The following PREX2 variants were observed in gnomAD, a reference collection of about 807,000 sequenced individuals.
PREX2 encodes the protein phosphatidylinositol 3,4,5-trisphosphate-dependent Rac exchanger 2 protein.
Under a neutral mutation model 203.2 loss-of-function variants are expected in PREX2, and 107 were observed. The ratio of observed to expected loss-of-function variants is 0.53; its 90% CI spans 0.45 to 0.62. The LOEUF (loss-of-function observed/expected upper bound fraction) is 0.62, where lower values mean the gene tolerates loss of function less well. PREX2 is among the 20% of genes least tolerant of loss of function. The probability of loss-of-function intolerance (pLI) is 0.00; values close to 1 mark genes in which losing one functional copy is unlikely to be tolerated. For missense variants in PREX2, 1,777 were observed against 1,955.9 expected (o/e 0.91, Z 1.72); for synonymous variants, 672 against 663.6 (o/e 1.01, Z -0.19).
intron 35 of PREX2, among the ~76,000 whole-genome samples, chr8:68,161,950 G>A (rs1811663696): frequency 6.6e-6 from 1 of 152,176 alleles, no homozygotes; most frequent in South Asian, 2.1e-4. Flanking sequence ...AGGCAAGAAG[G>A]AGCAAGTCAC....
At chr8:67,971,113 G>C (rs757999132) in intron 1 of PREX2, among the ~76,000 whole-genome samples, 13 of 152,120 alleles carry the variant, frequency 8.5e-5, no homozygotes, top group Non-Finnish European at 1.9e-4. Flanking sequence ...GCCAGATGGT[G>C]AATAACAGTA....
intron 35 of PREX2, among the ~76,000 whole-genome samples, chr8:68,159,323 A>T (rs898758062): frequency 1.3e-5 from 2 of 152,204 alleles, no homozygotes; most frequent in South Asian, 4.1e-4. Flanking sequence ...TTTATTTGCA[A>T]AATAAGTTTT....
intron 1 of PREX2, among the ~76,000 whole-genome samples, chr8:67,960,103 C>T (rs973585753): frequency 6.6e-6 from 1 of 151,928 alleles, no homozygotes; most frequent in Non-Finnish European, 1.5e-5. Flanking sequence ...TGCAGTGGCG[C>T]GATCTTGGCT....
chr8:68,074,353 C>T (rs1301245619), intron 14 of PREX2, among the ~76,000 whole-genome samples: 2 of 152,138 alleles, frequency 1.3e-5, no homozygotes, highest in East Asian at 3.9e-4. Context: ...TTGGCTGGGA[C>T]TCACAACCTA....
At chr8:68,208,379 G>A (rs1301016810) in intron 37 of PREX2, among the ~76,000 whole-genome samples, 3 of 151,806 alleles carry the variant, frequency 2.0e-5, no homozygotes, top group East Asian at 1.9e-4. Flanking sequence ...TTTTTGGAAA[G>A]CAATAATTTT....
chr8:68,188,304 C>CA (rs1241489112), intron 35 of PREX2, among the ~76,000 whole-genome samples: 1 of 151,994 alleles, frequency 6.6e-6, no homozygotes, highest in African/African-American at 2.4e-5. Context: ...GGAGCTATAT[C>CA]AAAAAAACTA....
At chr8:68,013,920 G>T (rs1253858652) in intron 1 of PREX2, among the ~76,000 whole-genome samples, 2 of 152,134 alleles carry the variant, frequency 1.3e-5, no homozygotes, top group Non-Finnish European at 2.9e-5. Context: ...TTGGCATCGG[G>T]TATCTAGAAT....
intron 21 of PREX2, chr8:68,094,848 GCCC>G (rs1403396131): frequency 2.0e-5 from 3 of 152,230 alleles, no homozygotes; most frequent in African/African-American, 7.2e-5. Flanking sequence ...CCACAAGGTT[GCCC>G]CCATTTCAGG....
intron 8 of PREX2, among the ~76,000 whole-genome samples, chr8:68,047,471 A>ATATC (rs1808388429): frequency 6.9e-4 from 1 of 1,450 alleles, no homozygotes; most frequent in Non-Finnish European, 1.2e-3. Context: ...GGATGAATTT[A>ATATC]TATATATATA....
intron 22 of PREX2, 146 bp from the exon 23 acceptor site, chr8:68,099,536 A>G (rs1585790798): frequency 1.4e-6 from 1 of 697,134 alleles, no homozygotes; most frequent in Non-Finnish European, 2.3e-6. Flanking sequence ...AGAACAAAAT[A>G]GGAAAGTTGC....
chr8:68,139,731 T>C (rs997722951), intron 33 of PREX2, among the ~76,000 whole-genome samples: 6 of 152,056 alleles, frequency 3.9e-5, no homozygotes, highest in Non-Finnish European at 8.8e-5. Context: ...TTTATGAAAA[T>C]AGAACAGAAT....
chr8:68,163,568 GA>G lies in PREX2; in HGVS notation c.4346+6134del, dbSNP rs1327782108. On this transcript the variant is annotated intron_variant, in intron 35 of 39. Coordinates refer to ENST00000288368, the MANE Select transcript of PREX2 (RefSeq NM_024870.4). Reference sequence around the variant, plus strand: ...TGGGCTTAAGGTGGAGCCCATTAAGGAACAGGGTCAACAAAGTATTTGCAGT... The same window carrying G: ...TGGGCTTAAGGTGGAGCCCATTAAGGACAGGGTCAACAAAGTATTTGCAGT... Among the ~76,000 whole-genome samples the G allele has an allele frequency of 3.9e-5, 6 of 152,268 alleles. No individual in the cohort carries two copies. In the East Asian group the frequency reaches 9.6e-4, roughly 24 times the overall value.
At chr8:68,100,315 G>T (rs1419144358) in intron 23 of PREX2, 1 of 402,060 alleles carries the variant, frequency 2.5e-6, no homozygotes, top group East Asian at 7.1e-5. Flanking sequence ...GCCAAGTACT[G>T]TTCTAGGTTC....
At chr8:68,058,054 A>C (rs1196332653) in intron 10 of PREX2, among the ~76,000 whole-genome samples, 2 of 152,226 alleles carry the variant, frequency 1.3e-5, no homozygotes, top group Admixed American at 1.3e-4. Context: ...ATAACAGCAC[A>C]CTACTGCCGC....
intron 30 of PREX2, among the ~76,000 whole-genome samples, chr8:68,126,933 CAT>C (rs942170959): frequency 5.3e-5 from 8 of 151,602 alleles, no homozygotes; most frequent in Admixed American, 1.3e-4. Context: ...TATATACACA[CAT>C]GTGTAAACTT....
intron 1 of PREX2, among the ~76,000 whole-genome samples, chr8:67,953,092 C>A (rs1805399183): frequency 6.6e-6 from 1 of 152,060 alleles, no homozygotes; most frequent in African/African-American, 2.4e-5. Flanking sequence ...ACAGAGAGAG[C>A]AGCGGGGTGA....
chr8:68,023,312 T>C (rs1461318858), intron 4 of PREX2, among the ~76,000 whole-genome samples: 3 of 152,232 alleles, frequency 2.0e-5, no homozygotes, highest in Non-Finnish European at 4.4e-5. Context: ...TTTCTGATTA[T>C]AGCCATGCTA....
chr8:67,999,317 A>G (rs1042670011), intron 1 of PREX2, among the ~76,000 whole-genome samples: 4 of 152,044 alleles, frequency 2.6e-5, no homozygotes, highest in African/African-American at 9.7e-5. Context: ...AATACAAACA[A>G]CCATCAAAGA....
intron 1 of PREX2, among the ~76,000 whole-genome samples, chr8:67,971,215 C>T (rs908914966): frequency 2.6e-5 from 4 of 152,056 alleles, no homozygotes; most frequent in Admixed American, 6.5e-5. Flanking sequence ...GTTCAGAAAG[C>T]GTCGTCTGGG....
Sources: allele counts gnomAD v4.1 joint callset (sites outside exome capture counted in the v4.1 genomes callset), GRCh38; gene constraint gnomAD v4.1.1; transcripts MANE v1.5; gene names NCBI Gene and HGNC (gene_info 2026-07-23, HGNC 2026-07-21).